RALGAPA1: variants seen among roughly 807,000 people sequenced by gnomAD.
RALGAPA1 encodes the protein ral GTPase-activating protein subunit alpha-1.
In RALGAPA1, 52 loss-of-function variants were observed where a neutral mutation model predicts 269.6. The ratio of observed to expected loss-of-function variants is 0.19; its 90% CI spans 0.15 to 0.24. The LOEUF (loss-of-function observed/expected upper bound fraction) is 0.24, where lower values mean the gene tolerates loss of function less well. Ranked by LOEUF, RALGAPA1 falls within the 10% of genes least tolerant of loss-of-function variation. The probability of loss-of-function intolerance (pLI) is 1.00; values close to 1 mark genes in which losing one functional copy is unlikely to be tolerated. For missense variants in RALGAPA1, 1,917 were observed against 3,013.9 expected (o/e 0.64, Z 8.52); for synonymous variants, 817 against 1,008.3 (o/e 0.81, Z 3.60).
chr14:35,559,111 C>T (rs1414990311), intron 39 of RALGAPA1, among the ~76,000 whole-genome samples: 2 of 151,974 alleles, frequency 1.3e-5, no homozygotes, highest in Non-Finnish European at 2.9e-5. Flanking sequence ...GTTTGGCAAG[C>T]AAAAGTTAAG....
At chr14:35,789,053 A>C (rs767032533) in intron 1 of RALGAPA1, among the ~76,000 whole-genome samples, 11 of 152,172 alleles carry the variant, frequency 7.2e-5, no homozygotes, top group Non-Finnish European at 1.3e-4. Flanking sequence ...CAAATAAATA[A>C]ATATGTTGTA....
At chr14:35,690,084 C>A in intron 17 of RALGAPA1, 81 bp from the exon 18 acceptor site, 2 of 1,021,364 alleles carry the variant, frequency 2.0e-6, no homozygotes, top group South Asian at 1.9e-5. Flanking sequence ...TGCTCTAAAG[C>A]ATATGCTTTA....
At chr14:35,643,917 G>A (rs1471264101) in intron 31 of RALGAPA1, among the ~76,000 whole-genome samples, 1 of 152,046 alleles carries the variant, frequency 6.6e-6, no homozygotes, top group Non-Finnish European at 1.5e-5. Flanking sequence ...GGGTAAGTGG[G>A]GATGGTTAAT....
chr14:35,544,060 T>C (rs1422549330), intron 41 of RALGAPA1, among the ~76,000 whole-genome samples: 3 of 152,356 alleles, frequency 2.0e-5, no homozygotes, highest in East Asian at 1.9e-4. Flanking sequence ...AAGCTTGTCA[T>C]ATTTTACCTC....
Position 35,741,698 on chromosome 14 carries a change from C to T in RALGAPA1, c.1449+670G>A, listed in dbSNP as rs142135634. 4.1e-3 allele frequency among the ~76,000 whole-genome samples: 623 copies of T among 152,300 alleles called. 13 individuals are homozygous for T. Among genetic ancestry groups the T allele is most frequent in the Admixed American group, 0.035 (539 of 15,302 alleles). On this transcript the variant is annotated intron_variant, in intron 11 of 41. Coordinates refer to ENST00000680220, the MANE Select transcript of RALGAPA1 (RefSeq NM_001346249.2). ...AAACAGATAAATCACTTTCAATAAA[C>T]TTTCTGCACTCCTAACTCCATCTTA...
At chr14:35,798,970 T>C (rs2076770125) in intron 1 of RALGAPA1, among the ~76,000 whole-genome samples, 1 of 146,536 alleles carries the variant, frequency 6.8e-6, no homozygotes, top group Admixed American at 7.0e-5. Flanking sequence ...CACTCCAGCC[T>C]GGGCAACACA....
intron 12 of RALGAPA1, among the ~76,000 whole-genome samples, chr14:35,734,035 C>T (rs1288688351): frequency 2.4e-4 from 36 of 152,114 alleles, no homozygotes; most frequent in Non-Finnish European, 2.9e-5. Context: ...CTACGAAACA[C>T]TGCTGAAAGA....
chr14:35,573,056 T>C (rs1157792865), intron 37 of RALGAPA1, among the ~76,000 whole-genome samples: 4 of 152,202 alleles, frequency 2.6e-5, no homozygotes, highest in Admixed American at 6.5e-5. Flanking sequence ...AACTCATAAA[T>C]TGGATAATCC....
In RALGAPA1 at chr14:35,768,746, C is replaced by T. The variant is rs574924038; in HGVS notation, c.325+2196G>A. 1.1e-4 allele frequency among the ~76,000 whole-genome samples: 16 copies of T among 151,780 alleles called. 1 individual carries two copies. Among genetic ancestry groups the T allele is most frequent in the Admixed American group, 9.2e-4 (14 of 15,216 alleles). Reference sequence around the variant, plus strand: ...TAAATAGGTAGGGCACAGTGGCTCACGTCTTTAATCCCAGCACTTTGGGAG... The same window carrying T: ...TAAATAGGTAGGGCACAGTGGCTCATGTCTTTAATCCCAGCACTTTGGGAG... On this transcript the variant is annotated intron_variant, in intron 4 of 41. Coordinates refer to ENST00000680220, the MANE Select transcript of RALGAPA1 (RefSeq NM_001346249.2).
At chr14:35,571,447 G>A (rs1023031133) in intron 38 of RALGAPA1, among the ~76,000 whole-genome samples, 2 of 151,938 alleles carry the variant, frequency 1.3e-5, no homozygotes, top group Non-Finnish European at 2.9e-5. Context: ...ACTTTGGGAG[G>A]CCAGATCACC....
chr14:35,555,448 G>T (rs1426146709), intron 39 of RALGAPA1, among the ~76,000 whole-genome samples: 1 of 152,038 alleles, frequency 6.6e-6, no homozygotes, highest in Non-Finnish European at 1.5e-5. Context: ...TAAATGAAGG[G>T]TAATTTCAAA....
At chr14:35,663,690 C>T (rs1022839811) in intron 27 of RALGAPA1, among the ~76,000 whole-genome samples, 3 of 151,250 alleles carry the variant, frequency 2.0e-5, no homozygotes, top group African/African-American at 4.9e-5. Context: ...CCTGGGTTCA[C>T]GCCATTCTCC....
chr14:35,759,913 A>G (rs1425548347), intron 6 of RALGAPA1, among the ~76,000 whole-genome samples: 1 of 73,498 alleles, frequency 1.4e-5, no homozygotes, highest in Non-Finnish European at 2.2e-5. Context: ...TTCTATCTCA[A>G]AAAAAAAAAA....
intron 17 of RALGAPA1, among the ~76,000 whole-genome samples, chr14:35,691,337 T>C (rs1384041147): frequency 1.3e-5 from 2 of 152,050 alleles, no homozygotes; most frequent in Admixed American, 1.3e-4. Context: ...AAATACAATG[T>C]CTATGAATCC....
intron 4 of RALGAPA1, among the ~76,000 whole-genome samples, chr14:35,764,657 C>T (rs938045465): frequency 1.7e-4 from 26 of 151,930 alleles, no homozygotes; most frequent in African/African-American, 3.1e-4. Flanking sequence ...GTAATCCTCT[C>T]GCCTCAGCCC....
intron 26 of RALGAPA1, among the ~76,000 whole-genome samples, chr14:35,666,662 A>C (rs1196708683): frequency 6.6e-6 from 1 of 152,232 alleles, no homozygotes; most frequent in East Asian, 1.9e-4. Flanking sequence ...ATGAACCAGA[A>C]AATGCAAAAA....
At chr14:35,756,569 A>G (rs11846986) in intron 7 of RALGAPA1, 66 of 259,188 alleles carry the variant, frequency 2.5e-4, no homozygotes, top group African/African-American at 1.4e-3. Flanking sequence ...TTACATGAGA[A>G]GTGTAGGAAA....
chr14:35,729,173 C>A (rs2070240365), intron 12 of RALGAPA1, among the ~76,000 whole-genome samples: 1 of 152,056 alleles, frequency 6.6e-6, no homozygotes. Context: ...TTGTTCAAAA[C>A]ATTTTATCCT....
At chr14:35,674,118 T>G in intron 24 of RALGAPA1, 62 bp downstream of exon 24, 2 of 1,304,188 alleles carry the variant, frequency 1.5e-6, no homozygotes, top group South Asian at 2.7e-5. Flanking sequence ...AAAATCTCTA[T>G]AAAAAGTTTA....
Sources: gnomAD v4.1 joint callset for allele counts (sites outside exome capture counted in the v4.1 genomes callset) on GRCh38, gnomAD v4.1.1 for gene constraint, MANE v1.5 for transcripts, NCBI Gene and HGNC (gene_info 2026-07-23, HGNC 2026-07-21) for gene names.